The following TCF15 variants were observed in gnomAD, a reference collection of about 807,000 sequenced individuals.
The protein encoded by TCF15 is TCF-15.
A neutral mutation model predicts 11.1 loss-of-function variants in TCF15; 7 were observed. The observed-to-expected ratio is 0.63, with a 90% confidence interval of 0.36 to 1.19. The LOEUF is 1.19. Among genes scored for constraint, TCF15 ranks in the 50% most tolerant of loss-of-function variants. The probability of loss-of-function intolerance (pLI) is 0.02; values close to 1 mark genes in which losing one functional copy is unlikely to be tolerated. For synonymous variants in TCF15, 144 were observed against 138.9 expected (o/e 1.04, Z -0.26); for missense variants, 288 against 289.4 (o/e 1.00, Z 0.03).
Position 609,611 on chromosome 20 carries a change from C to T in TCF15, c.525+102G>A. The T allele has an allele frequency of 1.6e-6, 2 of 1,267,260 alleles. No individual in the cohort carries two copies. The highest frequency in any genetic ancestry group is 2.0e-6 in the Non-Finnish European group (2 of 1,003,616). 78.5% of individuals were successfully genotyped at this position (1,267,260 alleles called of 1,614,324 possible). ...AGCACGAATTCCACGTCGCTTCCCC[C>T]TGGCCTCGTTGGGGACCCCTGCACC... On this transcript the variant is annotated intron_variant, in intron 1 of 1. Transcript: ENST00000246080. This position sits in a 1 kb window ranked among gnomAD's most constrained non-coding sequence, Gnocchi z 4.7.
intron 1 of TCF15, among the ~76,000 whole-genome samples, chr20:607,278 C>T (rs562741896): frequency 1.2e-4 from 18 of 152,308 alleles, no homozygotes; most frequent in African/African-American, 3.6e-4. Flanking sequence ...CCACCTCCCA[C>T]GTGCTAATTC....
At chr20:607,353 G>A (rs1347643669) in intron 1 of TCF15, among the ~76,000 whole-genome samples, 4 of 152,182 alleles carry the variant, frequency 2.6e-5, no homozygotes, top group Non-Finnish European at 4.4e-5. Context: ...CTGTTTCCAC[G>A]GCAACCCCAA....
At chr20:605,307 A>C (rs778938390) in intron 1 of TCF15, among the ~76,000 whole-genome samples, 3 of 152,252 alleles carry the variant, frequency 2.0e-5, no homozygotes, top group Admixed American at 6.5e-5. Flanking sequence ...GCCTGACTGC[A>C]TGCCTAGCGG....
rs2019958824 is a variant in TCF15 at position 604,776 on chromosome 20, C to T, written c.526-111G>A. ...CCTGATCAATAAATCACAGTTCAGC[C>T]ACACGATCAAGTTCTCTGCAACAGA... On this transcript the variant is annotated intron_variant, in intron 1 of 1. Coordinates refer to ENST00000246080, the MANE Select transcript of TCF15 (RefSeq NM_004609.4). The surrounding 1 kb of genome is among the most constrained non-coding windows in gnomAD (Gnocchi z 4.2). 1.2e-6 allele frequency: 1 copy of T among 867,100 alleles called. No individual in the cohort carries two copies. The highest frequency in any genetic ancestry group is 1.8e-6 in the Non-Finnish European group (1 of 567,872). 53.7% of individuals were successfully genotyped at this position (867,100 alleles called of 1,614,324 possible).
At chr20:605,390 A>G (rs879492324) in intron 1 of TCF15, among the ~76,000 whole-genome samples, 10 of 152,226 alleles carry the variant, frequency 6.6e-5, no homozygotes, top group Non-Finnish European at 1.5e-4. Context: ...CCCCTTTCCC[A>G]GGAATGTGCT....
Position 604,718 on chromosome 20 carries a change from C to T in TCF15, c.526-53G>A. ...AGGTTCGATTAGGCCAGTGTGAACACTGGAACTAACCTCTGTATCCCTCAA... is the reference window on the plus strand; with the variant it reads ...AGGTTCGATTAGGCCAGTGTGAACATTGGAACTAACCTCTGTATCCCTCAA... On this transcript the variant is annotated intron_variant, in intron 1 of 1. Transcript: ENST00000246080. The surrounding 1 kb of genome is among the most constrained non-coding windows in gnomAD (Gnocchi z 4.2). 2.2e-6 allele frequency: 3 copies of T among 1,380,804 alleles called. No homozygotes were observed. Among genetic ancestry groups the T allele is most frequent in the East Asian group, 2.5e-5 (1 of 39,900 alleles). The allele number at this position is 1,380,804 out of a possible 1,614,324, so 85.5% of individuals were successfully genotyped here.
chr20:605,643 G>A (rs1418150449), intron 1 of TCF15, among the ~76,000 whole-genome samples: 1 of 152,194 alleles, frequency 6.6e-6, no homozygotes, highest in Non-Finnish European at 1.5e-5. Flanking sequence ...ACCAATCAAG[G>A]CCGCCTGAAT....
chr20:606,248 G>C (rs1161417921), intron 1 of TCF15, among the ~76,000 whole-genome samples: 1 of 152,202 alleles, frequency 6.6e-6, no homozygotes, highest in Non-Finnish European at 1.5e-5. Context: ...GAGAAGGGCA[G>C]ATAGGGGAGG....
rs1039666574 is a variant in TCF15, at chr20:609,427, C to T, written c.525+286G>A. 5.3e-5 allele frequency among the ~76,000 whole-genome samples: 8 copies of T among 152,210 alleles called. No individual in the cohort carries two copies. The highest frequency in any genetic ancestry group is 1.4e-4 in the African/African-American group (6 of 41,452). Reference sequence around the variant, plus strand: ...GGTCTTTGTTACTCAGTCCTCATGCCGTCTTCCCAGCAGGAAGGAAGTTCC... The same window carrying T: ...GGTCTTTGTTACTCAGTCCTCATGCTGTCTTCCCAGCAGGAAGGAAGTTCC... On this transcript the variant is annotated intron_variant, in intron 1 of 1. Transcript: ENST00000246080. This position sits in a 1 kb window ranked among gnomAD's most constrained non-coding sequence, Gnocchi z 4.7.
rs890801087 is a variant in TCF15 at position 609,424 on chromosome 20, T to C, written c.525+289A>G. ...ATGGGTCTTTGTTACTCAGTCCTCA[T>C]GCCGTCTTCCCAGCAGGAAGGAAGT... On this transcript the variant is annotated intron_variant, in intron 1 of 1. Transcript: ENST00000246080. The surrounding 1 kb of genome is among the most constrained non-coding windows in gnomAD (Gnocchi z 4.7). 1.3e-5 allele frequency among the ~76,000 whole-genome samples: 2 copies of C among 152,228 alleles called. No homozygotes were observed. Among genetic ancestry groups the C allele is most frequent in the Non-Finnish European group, 2.9e-5 (2 of 68,042 alleles).
At position 604,296 on chromosome 20, in the gene TCF15, C is replaced by T. The variant is rs182775746; in HGVS notation, c.*295G>A. On this transcript the variant is annotated 3_prime_UTR_variant, in exon 2 of 2. Coordinates refer to ENST00000246080, the MANE Select transcript of TCF15 (RefSeq NM_004609.4). This position sits in a 1 kb window ranked among gnomAD's most constrained non-coding sequence, Gnocchi z 4.2. ...AGCTTTTATTTTAAACTCACCAATT[C>T]TCTCTCACACACACTCACACTCACG... The T allele has an allele frequency of 4.4e-3, 2,169 of 493,150 alleles. 13 individuals carry two copies. The highest frequency in any genetic ancestry group is 6.6e-3 in the Non-Finnish European group (1,821 of 274,170). 30.5% of individuals were successfully genotyped at this position (493,150 alleles called of 1,614,324 possible). A position where few individuals can be genotyped will look rare whatever the true frequency, so the allele number is the denominator to read the frequency against.
rs1392185628 is a variant in TCF15, at chr20:609,724, G to T, written c.514C>A (p.Gln172Lys). Reference protein sequence around the residue: ...RSICTFCLSNQRKGGGRRDLG... With the variant: ...RSICTFCLSNKRKGGGRRDLG... ...CGCAGCACACTCACCCCCTTGCGCT[G>T]GTTGCTGAGGCAGAAGGTGCAGATG... Residue 172 changes from glutamine (Q) to lysine (K), a missense_variant, in exon 1 of 2, where the codon CAG (glutamine) becomes AAG (lysine). Physicochemically the swap from Gln to Lys is moderately conservative, Grantham distance 53 (BLOSUM62 1). Transcript: ENST00000246080. The surrounding 1 kb of genome is among the most constrained non-coding windows in gnomAD (Gnocchi z 4.7). The T allele has an allele frequency of 5.8e-6, 8 of 1,388,002 alleles. No homozygotes were observed. The highest frequency in any genetic ancestry group is 7.4e-6 in the Non-Finnish European group (8 of 1,084,162). The allele number at this position is 1,388,002 out of a possible 1,614,324, so 86.0% of individuals were successfully genotyped here. A position where few individuals can be genotyped will look rare whatever the true frequency, so the allele number is the denominator to read the frequency against.
intron 1 of TCF15, among the ~76,000 whole-genome samples, chr20:608,803 G>C (rs909175809): frequency 6.6e-6 from 1 of 152,212 alleles, no homozygotes. Context: ...TGGAATACAA[G>C]TTGTTAGACA....
At position 609,660 on chromosome 20, in the gene TCF15, G is replaced by A; in HGVS notation, c.525+53C>T. On this transcript the variant is annotated intron_variant, in intron 1 of 1. Coordinates refer to ENST00000246080, the MANE Select transcript of TCF15 (RefSeq NM_004609.4). The surrounding 1 kb of genome is among the most constrained non-coding windows in gnomAD (Gnocchi z 4.7). ...CCTCTCCGGTTCCCGCAGAGGCGCT[G>A]CCCCCCGCCTACCCCGACCTGGCGG... is the stretch of plus-strand genomic sequence containing the variant. The A allele has an allele frequency of 7.5e-7, 1 of 1,324,606 alleles. No individual in the cohort carries two copies. The highest frequency in any genetic ancestry group is 9.6e-7 in the Non-Finnish European group (1 of 1,045,052). The allele number at this position is 1,324,606 out of a possible 1,614,324, so 82.1% of individuals were successfully genotyped here.
At position 604,816 on chromosome 20, in the gene TCF15, C is replaced by A; in HGVS notation, c.526-151G>T. On this transcript the variant is annotated intron_variant, in intron 1 of 1. Coordinates refer to ENST00000246080, the MANE Select transcript of TCF15 (RefSeq NM_004609.4). This position sits in a 1 kb window ranked among gnomAD's most constrained non-coding sequence, Gnocchi z 4.2. ...TCTGCAACAGAAAGCAGAAGAAACC[C>A]TTTCTGGACTGATACAGACTGCTGC... 1.5e-6 allele frequency: 1 copy of A among 684,110 alleles called. No individual in the cohort carries two copies. 42.4% of individuals were successfully genotyped at this position (684,110 alleles called of 1,614,324 possible).
chr20:608,200 A>G (rs2019992511), intron 1 of TCF15, among the ~76,000 whole-genome samples: 1 of 152,078 alleles, frequency 6.6e-6, no homozygotes, highest in Admixed American at 6.6e-5. Flanking sequence ...CTCCCCCACC[A>G]TCAGACCACA....
chr20:604,737 C>A lies in TCF15; in HGVS notation c.526-72G>T, dbSNP rs1357581199. The A allele has an allele frequency of 1.7e-6, 2 of 1,169,492 alleles. No individual in the cohort carries two copies. The highest frequency in any genetic ancestry group is 2.4e-6 in the Non-Finnish European group (2 of 836,332). 72.4% of individuals were successfully genotyped at this position (1,169,492 alleles called of 1,614,324 possible). On this transcript the variant is annotated intron_variant, in intron 1 of 1. Coordinates refer to ENST00000246080, the MANE Select transcript of TCF15 (RefSeq NM_004609.4). The surrounding 1 kb of genome is among the most constrained non-coding windows in gnomAD (Gnocchi z 4.2). ...TGAACACTGGAACTAACCTCTGTAT[C>A]CCTCAAGAGGGATCCTGATCAATAA...
At position 610,209 on chromosome 20, in the gene TCF15, C is replaced by T; in HGVS notation, c.29G>A (p.Gly10Asp). The change falls in exon 1 of 2, where the codon GGC (glycine) becomes GAC (aspartate). Residue 10 changes from glycine (G) to aspartate (D), a missense_variant. Physicochemically the swap from Gly to Asp is moderately conservative, Grantham distance 94 (BLOSUM62 -1). Transcript: ENST00000246080. MAFALLRPV[G>D]AHVLYPDVRL... is the part of the protein sequence containing the mutation. Reference sequence around the variant, plus strand: ...CACGTCCGGGTACAGCACGTGCGCGCCGACGGGCCGCAGCAGCGCGAACGC... The same window carrying T: ...CACGTCCGGGTACAGCACGTGCGCGTCGACGGGCCGCAGCAGCGCGAACGC... 9.7e-7 allele frequency: 1 copy of T among 1,029,618 alleles called. No homozygotes were observed. The allele number at this position is 1,029,618 out of a possible 1,614,324, so 63.8% of individuals were successfully genotyped here.
intron 1 of TCF15, among the ~76,000 whole-genome samples, chr20:606,885 G>C (rs2019980405): frequency 6.6e-6 from 1 of 151,986 alleles, no homozygotes; most frequent in African/African-American, 2.4e-5. Context: ...CAGCACCAAG[G>C]GTCTTCGGGA....
Sources: gnomAD v4.1 joint callset for allele counts (sites outside exome capture counted in the v4.1 genomes callset) on GRCh38, gnomAD v4.1.1 for gene constraint, Gnocchi (gnomAD v3.1) non-coding constraint, MANE v1.5 for transcripts, NCBI Gene and HGNC (gene_info 2026-07-23, HGNC 2026-07-21) for gene names.